The following SHPRH variants were observed in gnomAD, a reference collection of about 807,000 sequenced individuals.
SHPRH encodes the protein E3 ubiquitin-protein ligase SHPRH.
In SHPRH, 106 loss-of-function variants were observed where a neutral mutation model predicts 202.5. The ratio of observed to expected loss-of-function variants is 0.52; its 90% CI spans 0.45 to 0.62. SHPRH has a LOEUF of 0.62. SHPRH is among the 20% of genes least tolerant of loss of function. The pLI is 0.00. For synonymous variants in SHPRH, 729 were observed against 686.0 expected, an observed-to-expected ratio of 1.06 and a Z score of -0.98; for missense variants, 1,710 against 2,020.0, an observed-to-expected ratio of 0.85 and a Z score of 2.94.
chr6:145,870,695 G>T (rs1185351565), intron 2 of SHPRH, among the ~76,000 whole-genome samples: 1 of 152,164 alleles, frequency 6.6e-6, no homozygotes, highest in Non-Finnish European at 1.5e-5. Flanking sequence ...TGTTGAAAAG[G>T]ACTGGTAAGA....
In SHPRH at chr6:145,888,096, T is replaced by C; in HGVS notation, c.4879A>G (p.Thr1627Ala). The C allele has an allele frequency of 1.2e-6, 2 of 1,607,016 alleles. No individual in the cohort carries two copies. Among genetic ancestry groups the C allele is most frequent in the Non-Finnish European group, 1.7e-6 (2 of 1,174,252 alleles). Residue 1627 changes from threonine (T) to alanine (A), a missense_variant, in exon 29 of 30, where the codon ACT (threonine) becomes GCT (alanine). Physicochemically the swap from Thr to Ala is moderately conservative, Grantham distance 58. Coordinates refer to ENST00000275233, the MANE Select transcript of SHPRH (RefSeq NM_001042683.3). ...RVHRIGQTKP[T>A]IVHRFLIKAT... is the part of the protein sequence containing the mutation. Reference sequence around the variant, plus strand: ...TTAATTAAGAATCTGTGTACAATAGTAGGTCTAAAAGGTACAGAAGAATTT... The same window carrying C: ...TTAATTAAGAATCTGTGTACAATAGCAGGTCTAAAAGGTACAGAAGAATTT...
Position 145,898,007 on chromosome 6 carries a change from T to C in SHPRH, c.4516-3030A>G, listed in dbSNP as rs968959009. Among the ~76,000 whole-genome samples, 17 of 152,250 alleles carry C rather than the reference T, an allele frequency of 1.1e-4. 1 individual carries two copies. In the East Asian group the frequency reaches 2.1e-3, roughly 19 times the overall value. On this transcript the variant is annotated intron_variant, in intron 25 of 29. Coordinates refer to ENST00000275233, the MANE Select transcript of SHPRH (RefSeq NM_001042683.3). ...TTATTCAACATAGTATTGGAAGTCT[T>C]AGCTAGAGCAATTAGGCAAGAAAAA...
At position 145,913,554 on chromosome 6, in the gene SHPRH, C is replaced by A. The variant is rs184226212; in HGVS notation, c.4255-5G>T. 2 of 1,598,464 alleles carry A rather than the reference C, an allele frequency of 1.3e-6. No individual in the cohort carries two copies. Among genetic ancestry groups the A allele is most frequent in the Non-Finnish European group, 1.7e-6 (2 of 1,173,838 alleles). The stretch of plus-strand genomic sequence containing the variant: ...TCCCGATGTTTTATCTTGAGACTAT[C>A]CAAAAAAGAATTAAAAAATATATTA... On this transcript the variant is annotated splice_polypyrimidine_tract_variant and splice_region_variant and intron_variant, in intron 23 of 29. Coordinates refer to ENST00000275233, the MANE Select transcript of SHPRH (RefSeq NM_001042683.3).
intron 3 of SHPRH, among the ~76,000 whole-genome samples, chr6:145,951,385 T>C (rs1787962428): frequency 6.6e-6 from 1 of 152,016 alleles, no homozygotes; most frequent in African/African-American, 2.4e-5. Flanking sequence ...TCACAACTTA[T>C]TTTTTTCCAA....
chr6:145,925,005 A>G lies in SHPRH; in HGVS notation c.3295-159T>C, dbSNP rs561463600. 3.3e-5 allele frequency among the ~76,000 whole-genome samples: 5 copies of G among 152,034 alleles called. No homozygotes were observed. In the East Asian group the frequency reaches 7.7e-4, roughly 23 times the overall value. On this transcript the variant is annotated intron_variant, in intron 16 of 29. Coordinates refer to ENST00000275233, the MANE Select transcript of SHPRH (RefSeq NM_001042683.3). ...CTGTAGAGAACATAAAAGTCACGCT[A>G]AAAATTCCTTATATATGGAAGTTAA...
rs1275798439 is a variant in SHPRH at position 145,926,228 on chromosome 6, C to T, written c.3270G>A (p.Leu1090=). The T allele has an allele frequency of 6.2e-7, 1 of 1,612,896 alleles. No individual in the cohort carries two copies. Among genetic ancestry groups the T allele is most frequent in the African/African-American group, 1.3e-5 (1 of 74,928 alleles). Residue 1090 remains leucine (L), a synonymous_variant, in exon 16 of 30, where the codon TTG becomes TTA. Transcript: ENST00000275233. ...IARHPGIPPT[L]RDGRLEEEAK... is the part of the protein sequence containing the mutation. ...CCTCTTCCTCAAGTCGGCCATCACGCAAGGTAGGTGGTATCCCTGGGTGCC... is the reference window on the plus strand; with the variant it reads ...CCTCTTCCTCAAGTCGGCCATCACGTAAGGTAGGTGGTATCCCTGGGTGCC...
At chr6:145,867,631 T>TATAGAGAG (rs1554220329) in intron 2 of SHPRH, among the ~76,000 whole-genome samples, 51 of 22,320 alleles carry the variant, frequency 2.3e-3, no homozygotes, top group Non-Finnish European at 3.1e-3. Flanking sequence ...TATATATATA[T>TATAGAGAG]AGAGAGAGAG....
At chr6:145,857,962 A>G in the SHPRH span, among the ~76,000 whole-genome samples, 1 of 152,214 alleles carries the variant, frequency 6.6e-6, no homozygotes, top group Non-Finnish European at 1.5e-5. Context: ...AGCATATGAT[A>G]TGACATACAA....
chr6:145,891,401 T>C (rs1252236888), intron 28 of SHPRH, among the ~76,000 whole-genome samples: 1 of 152,158 alleles, frequency 6.6e-6, no homozygotes, highest in African/African-American at 2.4e-5. Context: ...AATAAGGCCT[T>C]GCATGCCTTC....
intron 6 of SHPRH, among the ~76,000 whole-genome samples, chr6:145,946,711 T>C (rs1245775531): frequency 6.6e-6 from 1 of 151,984 alleles, no homozygotes; most frequent in African/African-American, 2.4e-5. Flanking sequence ...GTTAAGTCAA[T>C]ATATTCCAAG....
chr6:145,895,231 A>T (rs1781911520), intron 25 of SHPRH, among the ~76,000 whole-genome samples: 1 of 152,092 alleles, frequency 6.6e-6, no homozygotes, highest in Non-Finnish European at 1.5e-5. Flanking sequence ...AAGTGCTATG[A>T]CCCTGAACAT....
chr6:145,919,385 G>A lies in SHPRH; in HGVS notation c.4115C>T (p.Pro1372Leu). 6.2e-7 allele frequency: 1 copy of A among 1,613,160 alleles called. No homozygotes were observed. Among genetic ancestry groups the A allele is most frequent in the Non-Finnish European group, 8.5e-7 (1 of 1,179,402 alleles). ...LRVRDPREPKPNPPVLHIIEP... is the reference protein window; with the variant it reads ...LRVRDPREPKLNPPVLHIIEP... ...AATGATATGAAGAACAGGCGGATTA[G>A]GCTTTGGCTCCCTAGGATCACGCAC... is the stretch of plus-strand genomic sequence containing the variant. The change falls in exon 22 of 30, where the codon CCT becomes CTT. Residue 1372 changes from proline (P) to leucine (L), a missense_variant. Around this residue, in one of 8 missense-constraint regions of SHPRH, gnomAD observed 306 missense variants for 479.5 expected, o/e 0.64. Transcript: ENST00000275233.
chr6:145,946,221 T>C lies in SHPRH; in HGVS notation c.1321+12A>G, dbSNP rs749114491. ...ATAAGAAGGTATTTCCTTTAAGAGA[T>C]GTCTTACTTACGAGGGCATTGAACT... On this transcript the variant is annotated intron_variant, in intron 7 of 29. Coordinates refer to ENST00000275233, the MANE Select transcript of SHPRH (RefSeq NM_001042683.3). 4 of 1,593,246 alleles carry C rather than the reference T, an allele frequency of 2.5e-6. No homozygotes were observed. The South Asian group carries it at 4.5e-5, about 18-fold the overall frequency.
At chr6:145,863,522 C>A (rs1256215209), downstream of SHPRH, among the ~76,000 whole-genome samples, 1 of 152,018 alleles carries the variant, frequency 6.6e-6, no homozygotes, top group Admixed American at 6.6e-5. Flanking sequence ...TGCAATAGCC[C>A]ATGTTATTAA....
intron 11 of SHPRH, among the ~76,000 whole-genome samples, chr6:145,938,593 GAGA>G (rs1372962734): frequency 3.6e-4 from 55 of 152,174 alleles, no homozygotes; most frequent in African/African-American, 1.3e-3. Context: ...ACAACAAAAG[GAGA>G]AGTAGAGGCA....
intron 28 of SHPRH, 92 bp downstream of exon 28, chr6:145,893,123 C>A (rs190097980): frequency 6.0e-5 from 66 of 1,091,172 alleles, no homozygotes; most frequent in Non-Finnish European, 7.9e-5. Flanking sequence ...AAAACAAGTA[C>A]GCTATGATGA....
At chr6:145,913,954 AATT>A (rs1265320674) in intron 23 of SHPRH, among the ~76,000 whole-genome samples, 1 of 152,140 alleles carries the variant, frequency 6.6e-6, no homozygotes, top group African/African-American at 2.4e-5. Context: ...TTCCTCTGTT[AATT>A]ATTGATTTTT....
At chr6:145,932,933 A>T in intron 14 of SHPRH, 124 bp downstream of exon 14, 1 of 1,067,244 alleles carries the variant, frequency 9.4e-7, no homozygotes, top group Non-Finnish European at 1.3e-6. Context: ...TATATTCAGT[A>T]GTGTGTGAGA....
At chr6:145,956,429 A>G (rs1048073149) in intron 1 of SHPRH, among the ~76,000 whole-genome samples, 1 of 152,126 alleles carries the variant, frequency 6.6e-6, no homozygotes, top group African/African-American at 2.4e-5. Context: ...TCTCTGGTTT[A>G]GACACTGCTC....
Sources: allele counts gnomAD v4.1 joint callset (sites outside exome capture counted in the v4.1 genomes callset), GRCh38; gene constraint gnomAD v4.1.1; regional missense constraint gnomAD v4.1.1; transcripts MANE v1.5; gene names NCBI Gene and HGNC (gene_info 2026-07-23, HGNC 2026-07-21).